The following MYO18A variants were observed in gnomAD, a reference collection of about 807,000 sequenced individuals.
MYO18A encodes the protein unconventional myosin-XVIIIa.
In MYO18A, 78 loss-of-function variants were observed where a neutral mutation model predicts 235.8. That is an observed-to-expected ratio of 0.33 (90% CI 0.28 to 0.40). MYO18A has a LOEUF of 0.40. MYO18A is among the 10% of genes least tolerant of loss of function. The pLI is 1.00. For missense variants in MYO18A, 2,215 were observed against 2,699.3 expected (o/e 0.82, Z 3.98); for synonymous variants, 977 against 1,077.8 (o/e 0.91, Z 1.83).
intron 28 of MYO18A, among the ~76,000 whole-genome samples, chr17:29,095,986 G>A (rs1265905795): frequency 1.3e-5 from 2 of 152,198 alleles, no homozygotes; most frequent in Non-Finnish European, 2.9e-5. Context: ...CATGGTGTCA[G>A]GTGGGAGGAA....
At chr17:29,107,472 G>A (rs7217365) in intron 19 of MYO18A, 167,283 of 366,452 alleles carry the variant, frequency 0.46, 40,286 homozygotes, top group East Asian at 0.85. Flanking sequence ...AGTCAGTGAG[G>A]TATGCAAATG....
intron 2 of MYO18A, among the ~76,000 whole-genome samples, chr17:29,143,260 A>C (rs1476605407): frequency 1.3e-5 from 2 of 152,080 alleles, no homozygotes; most frequent in Non-Finnish European, 2.9e-5. Flanking sequence ...ACAAACAAAC[A>C]AAAGCTCTTT....
intron 1 of MYO18A, among the ~76,000 whole-genome samples, chr17:29,172,199 C>A (rs1326039724): frequency 6.6e-6 from 1 of 152,044 alleles, no homozygotes; most frequent in African/African-American, 2.4e-5. Flanking sequence ...CAGGGCCGGG[C>A]GCAATGGCTC....
At chr17:29,101,068 G>A (rs1225500902) in intron 21 of MYO18A, among the ~76,000 whole-genome samples, 1 of 152,126 alleles carries the variant, frequency 6.6e-6, no homozygotes. Flanking sequence ...TGTGATCATC[G>A]ATCACTGCAA....
intron 2 of MYO18A, among the ~76,000 whole-genome samples, chr17:29,163,314 G>A (rs1237646981): frequency 6.6e-6 from 1 of 152,214 alleles, no homozygotes; most frequent in Non-Finnish European, 1.5e-5. Flanking sequence ...GTCCCAGGAA[G>A]CTGGAAACGC....
rs527292469 is a variant in MYO18A at position 29,093,969 on chromosome 17, A to G, written c.4821+11T>C. On this transcript the variant is annotated intron_variant, in intron 31 of 41. Transcript: ENST00000527372. ...GTTTACGCTGGACAGGTAAGTACTC[A>G]GATACCTTACCTTCTTCTGACACGA... is the stretch of plus-strand genomic sequence containing the variant. The G allele has an allele frequency of 1.6e-4, 246 of 1,580,758 alleles. No individual in the cohort carries two copies. Among genetic ancestry groups the G allele is most frequent in the Non-Finnish European group, 2.1e-4 (238 of 1,157,004 alleles).
rs1055060818 is a variant in MYO18A at position 29,074,342 on chromosome 17, C to A, written c.*428G>T. The A allele has an allele frequency of 1.5e-5, 12 of 776,600 alleles. No homozygotes were observed. The highest frequency in any genetic ancestry group is 3.0e-5 in the Admixed American group (1 of 33,822). 48.1% of individuals were successfully genotyped at this position (776,600 alleles called of 1,614,324 possible). A position where few individuals can be genotyped will look rare whatever the true frequency, so the allele number is the denominator to read the frequency against. Reference sequence around the variant, plus strand: ...AAGAAGAGAGAGCCCCCACCCCACACGAGAGGGAAGGCACTGCTTCTCCTC... The same window carrying A: ...AAGAAGAGAGAGCCCCCACCCCACAAGAGAGGGAAGGCACTGCTTCTCCTC... On this transcript the variant is annotated 3_prime_UTR_variant, in exon 42 of 42. Coordinates refer to ENST00000527372, the MANE Select transcript of MYO18A (RefSeq NM_078471.4). This position sits in a 1 kb window ranked among gnomAD's most constrained non-coding sequence, Gnocchi z 4.4.
In MYO18A at chr17:29,166,301, G is replaced by T; in HGVS notation, c.640C>A (p.Pro214Thr). Reference sequence around the variant, plus strand: ...TCCAGCTCCCGGAGGGTAGGTGGGGGCAGGGGCACCACGGGGGGCAGGCGC... The same window carrying T: ...TCCAGCTCCCGGAGGGTAGGTGGGGTCAGGGGCACCACGGGGGGCAGGCGC... The part of the protein sequence containing the change: ...DLRLPPVVPL[P>T]PPTLRELELQ... Residue 214 changes from proline (P) to threonine (T), a missense_variant, in exon 2 of 42, where the codon CCC (proline) becomes ACC (threonine). Pro to Thr is a conservative substitution (Grantham distance 38). Transcript: ENST00000527372. 6.2e-7 allele frequency: 1 copy of T among 1,612,618 alleles called. No homozygotes were observed. The highest frequency in any genetic ancestry group is 1.7e-5 in the Admixed American group (1 of 60,030).
In MYO18A at chr17:29,166,181, C is replaced by A; in HGVS notation, c.760G>T (p.Val254Phe). The A allele has an allele frequency of 6.2e-7, 1 of 1,612,960 alleles. No individual in the cohort carries two copies. Among genetic ancestry groups the A allele is most frequent in the Non-Finnish European group, 8.5e-7 (1 of 1,179,896 alleles). ...CCTGCACCAGGCTCAGCAAAGTGGACCACACGCCGACAGGCCTGGCCCTCG... is the reference window on the plus strand; with the variant it reads ...CCTGCACCAGGCTCAGCAAAGTGGAACACACGCCGACAGGCCTGGCCCTCG... ...GPEGQACRRV[V>F]HFAEPGAGTK... The change falls in exon 2 of 42, where the codon GTC becomes TTC. Residue 254 changes from valine to phenylalanine, a missense_variant. Physicochemically the swap from Val to Phe is conservative, Grantham distance 50. Coordinates refer to ENST00000527372, the MANE Select transcript of MYO18A (RefSeq NM_078471.4).
In MYO18A at chr17:29,121,686, G is replaced by A. The variant is rs1327642567; in HGVS notation, c.1232C>T (p.Ala411Val). The A allele has an allele frequency of 6.4e-7, 1 of 1,564,782 alleles. No homozygotes were observed. ...APSCDRLEDL[A>V]SLVYLNESSV... is the part of the protein sequence containing the mutation. ...GGACTCATTGAGGTACACCAGTGAG[G>A]CCAGATCCTCCAGACGGTCGCAGGA... Residue 411 changes from alanine to valine, a missense_variant, in exon 5 of 42, where the codon GCC becomes GTC. Ala to Val is a moderately conservative substitution (Grantham distance 64). Transcript: ENST00000527372. The surrounding 1 kb of genome is among the most constrained non-coding windows in gnomAD (Gnocchi z 4.2).
chr17:29,093,237 C>G (rs1018656864), intron 32 of MYO18A, 86 bp downstream of exon 32: 3 of 1,266,776 alleles, frequency 2.4e-6, no homozygotes, highest in East Asian at 5.0e-5. Flanking sequence ...CAGCTCTGTT[C>G]GTGGCTCCCC....
chr17:29,179,573 C>T (rs2068604365), intron 1 of MYO18A, among the ~76,000 whole-genome samples: 1 of 152,166 alleles, frequency 6.6e-6, no homozygotes. Flanking sequence ...GGCGGTCTCT[C>T]CAGAGGCCTG....
Position 29,097,810 on chromosome 17 carries a change from C to T in MYO18A, c.4080G>A (p.Gly1360=), listed in dbSNP as rs745531044. ...ARLIRAAEIN[G]EVDDDDAGGE... Reference sequence around the variant, plus strand: ...CACCTGCATCATCATCATCCACTTCCCCGTTGATCTCCGCTGCCCGGATGA... The same window carrying T: ...CACCTGCATCATCATCATCCACTTCTCCGTTGATCTCCGCTGCCCGGATGA... Residue 1360 remains glycine, a synonymous_variant, in exon 26 of 42, where the codon GGG becomes GGA. Coordinates refer to ENST00000527372, the MANE Select transcript of MYO18A (RefSeq NM_078471.4). The T allele has an allele frequency of 1.2e-6, 2 of 1,613,296 alleles. No homozygotes were observed. Among genetic ancestry groups the T allele is most frequent in the South Asian group, 1.1e-5 (1 of 90,968 alleles).
chr17:29,129,217 T>A (rs1431868263), intron 2 of MYO18A: 5 of 847,598 alleles, frequency 5.9e-6, no homozygotes, highest in Non-Finnish European at 8.5e-6. Context: ...CTGCCCTTCA[T>A]CTATGTTCTC....
intron 2 of MYO18A, among the ~76,000 whole-genome samples, chr17:29,137,515 G>C (rs946118102): frequency 6.6e-6 from 1 of 152,150 alleles, no homozygotes; most frequent in African/African-American, 2.4e-5. Context: ...GTGAACAATA[G>C]CCACAAAATG....
chr17:29,131,481 C>T, intron 2 of MYO18A: 1 of 968,438 alleles, frequency 1.0e-6, no homozygotes. Flanking sequence ...CAGGTCAAGG[C>T]TGGGAGACCC....
At position 29,117,976 on chromosome 17, in the gene MYO18A, G is replaced by A. The variant is rs1320147189; in HGVS notation, c.2038+69C>T. 5 of 1,506,990 alleles carry A rather than the reference G, an allele frequency of 3.3e-6. No individual in the cohort carries two copies. The highest frequency in any genetic ancestry group is 4.5e-6 in the Non-Finnish European group (5 of 1,115,192). The allele number at this position is 1,506,990 out of a possible 1,614,324, so 93.4% of individuals were successfully genotyped here. On this transcript the variant is annotated intron_variant, in intron 10 of 41. Coordinates refer to ENST00000527372, the MANE Select transcript of MYO18A (RefSeq NM_078471.4). The surrounding 1 kb of genome is among the most constrained non-coding windows in gnomAD (Gnocchi z 4.6). ...GTCTGTGCTGGGCAAGAATAAACTG[G>A]GAGTGGGCAGGGTCCCTGTGAGGTC...
At chr17:29,080,508 G>T in intron 41 of MYO18A, 1 of 986,132 alleles carries the variant, frequency 1.0e-6, no homozygotes, top group Non-Finnish European at 1.2e-6. Context: ...CCCGGCCTAG[G>T]CCAGAGGCCC....
chr17:29,121,405 C>T lies in MYO18A; in HGVS notation c.1371+142G>A, dbSNP rs775102470. 1.1e-5 allele frequency: 12 copies of T among 1,085,722 alleles called. No homozygotes were observed. Among genetic ancestry groups the T allele is most frequent in the East Asian group, 2.6e-5 (1 of 38,452 alleles). 67.3% of individuals were successfully genotyped at this position (1,085,722 alleles called of 1,614,324 possible). ...CAAAGGTTGTGGGGAGGTCCTGTCC[C>T]CCATCTCTTGAAATGACTCCTCTTC... On this transcript the variant is annotated intron_variant, in intron 5 of 41. Transcript: ENST00000527372. The surrounding 1 kb of genome is among the most constrained non-coding windows in gnomAD (Gnocchi z 4.2).
Sources: allele counts gnomAD v4.1 joint callset (sites outside exome capture counted in the v4.1 genomes callset), GRCh38; gene constraint gnomAD v4.1.1; non-coding constraint Gnocchi (gnomAD v3.1); transcripts MANE v1.5; gene names NCBI Gene and HGNC (gene_info 2026-07-23, HGNC 2026-07-21).